The following ACTR3C variants were observed in gnomAD, a reference collection of about 807,000 sequenced individuals.
The protein encoded by ACTR3C is actin-related protein 3C.
In ACTR3C, 18 loss-of-function variants were observed where a neutral mutation model predicts 26.3. The ratio of observed to expected loss-of-function variants is 0.68; its 90% CI spans 0.47 to 1.01. ACTR3C has a LOEUF of 1.01. Among genes scored for constraint, ACTR3C ranks in the 50% least tolerant of loss-of-function variants. ACTR3C has a pLI of 0.00. For synonymous variants in ACTR3C, 55 were observed against 94.5 expected, an observed-to-expected ratio of 0.58 and a Z score of 2.42; for missense variants, 184 against 250.7, an observed-to-expected ratio of 0.73 and a Z score of 1.80.
the ACTR3C span, among the ~76,000 whole-genome samples, chr7:150,121,583 G>A: frequency 4.7e-5 from 7 of 148,660 alleles, no homozygotes; most frequent in Admixed American, 4.7e-4. Context: ...AAATAAGAGA[G>A]GACACAAACA....
the ACTR3C span, among the ~76,000 whole-genome samples, chr7:150,032,039 C>T: frequency 6.6e-6 from 1 of 152,274 alleles, no homozygotes; most frequent in African/African-American, 2.4e-5. Flanking sequence ...AGCCTTGCCC[C>T]TTCTTCCGGT....
At chr7:150,073,070 TC>T in the ACTR3C span, among the ~76,000 whole-genome samples, 2 of 152,176 alleles carry the variant, frequency 1.3e-5, no homozygotes, top group African/African-American at 4.8e-5. Flanking sequence ...TTGAAATTTT[TC>T]CCCTGAAGCG....
Position 150,289,454 on chromosome 7 carries a change from A to G in ACTR3C, c.293T>C (p.Ile98Thr). 6.3e-7 allele frequency: 1 copy of G among 1,578,208 alleles called. No individual in the cohort carries two copies. The highest frequency in any genetic ancestry group is 8.6e-7 in the Non-Finnish European group (1 of 1,165,188). ...PEQSLETAKA[I>T]KEKYCYICPD... is the part of the protein sequence containing the mutation. ...CGGTTTCCCATCTGTTTTTACCTTA[A>G]TGGCTTTTGCGGTCTCCAGTGACTG... is the stretch of plus-strand genomic sequence containing the variant. Residue 98 changes from isoleucine to threonine, a missense_variant, in exon 4 of 8, where the codon ATT becomes ACT. Transcript: ENST00000683684.
the ACTR3C span, among the ~76,000 whole-genome samples, chr7:150,112,365 T>G: frequency 6.6e-6 from 1 of 152,210 alleles, no homozygotes; most frequent in African/African-American, 2.4e-5. Context: ...GTCCATCTCT[T>G]TGCCCTTTGC....
chr7:150,235,407 C>T, the ACTR3C span, among the ~76,000 whole-genome samples: 1 of 152,184 alleles, frequency 6.6e-6, no homozygotes, highest in African/African-American at 2.4e-5. Flanking sequence ...TGGACACCTG[C>T]GAGTTCTGTC....
At chr7:150,137,850 T>C in the ACTR3C span, among the ~76,000 whole-genome samples, 2 of 152,220 alleles carry the variant, frequency 1.3e-5, no homozygotes, top group Non-Finnish European at 2.9e-5. Context: ...AAATTTCATG[T>C]TACATTCAAG....
the ACTR3C span, among the ~76,000 whole-genome samples, chr7:150,185,274 G>GGT: frequency 3.6e-3 from 453 of 124,250 alleles, no homozygotes; most frequent in African/African-American, 0.013. Context: ...TTAAATGTCA[G>GGT]GCGTGTGTGT....
chr7:150,308,978 T>C (rs1296355480), intron 1 of ACTR3C, among the ~76,000 whole-genome samples: 1 of 152,112 alleles, frequency 6.6e-6, no homozygotes, highest in Non-Finnish European at 1.5e-5. Flanking sequence ...CTGGAGTGAT[T>C]TAAATGTCAT....
chr7:150,172,504 T>C, the ACTR3C span, among the ~76,000 whole-genome samples: 3 of 150,598 alleles, frequency 2.0e-5, 1 homozygote, highest in African/African-American at 7.5e-5. Flanking sequence ...CATATGGAAA[T>C]TCTGAGAGAT....
At chr7:149,897,813 G>A in the ACTR3C span, among the ~76,000 whole-genome samples, 6 of 152,146 alleles carry the variant, frequency 3.9e-5, no homozygotes, top group African/African-American at 7.2e-5. Context: ...AGGTGGCAGG[G>A]GTTGCAGTGA....
the ACTR3C span, among the ~76,000 whole-genome samples, chr7:150,091,177 T>C: frequency 7.1e-6 from 1 of 141,234 alleles, no homozygotes; most frequent in Non-Finnish European, 1.5e-5. Flanking sequence ...GGAGCCAGGG[T>C]GAAGCATCAG....
the ACTR3C span, among the ~76,000 whole-genome samples, chr7:149,908,963 A>T: frequency 6.6e-6 from 1 of 151,834 alleles, no homozygotes; most frequent in Admixed American, 6.6e-5. Context: ...TGTATTTTTG[A>T]TAGAGACGGG....
the ACTR3C span, among the ~76,000 whole-genome samples, chr7:150,151,444 C>T: frequency 7.3e-6 from 1 of 136,752 alleles, no homozygotes; most frequent in African/African-American, 2.5e-5. Context: ...ATTTAGAATG[C>T]CAATTTGTGC....
chr7:150,004,098 G>A, the ACTR3C span, among the ~76,000 whole-genome samples: 1 of 146,006 alleles, frequency 6.8e-6, no homozygotes, highest in South Asian at 2.1e-4. Flanking sequence ...TGTGTGTCGT[G>A]TGTATGGTGT....
At chr7:150,292,531 C>T (rs1372423630) in intron 3 of ACTR3C, among the ~76,000 whole-genome samples, 9 of 127,152 alleles carry the variant, frequency 7.1e-5, no homozygotes, top group South Asian at 2.7e-4. Context: ...GACGGAGTTT[C>T]GCTCTTGTTG....
chr7:150,023,531 CAT>C, the ACTR3C span, among the ~76,000 whole-genome samples: 1 of 151,806 alleles, frequency 6.6e-6, no homozygotes, highest in Non-Finnish European at 1.5e-5. Context: ...GATGGGGTTT[CAT>C]ATTTATTTAA....
chr7:150,124,749 C>A, the ACTR3C span, among the ~76,000 whole-genome samples: 1 of 152,154 alleles, frequency 6.6e-6, no homozygotes, highest in East Asian at 1.9e-4. Flanking sequence ...CAGCCTAAGA[C>A]CTCACACACT....
the ACTR3C span, among the ~76,000 whole-genome samples, chr7:149,892,748 TGGA>T: frequency 4.5e-4 from 53 of 117,894 alleles, no homozygotes; most frequent in South Asian, 1.5e-3. Context: ...AAATACAATA[TGGA>T]AGGGGACAAA....
the ACTR3C span, among the ~76,000 whole-genome samples, chr7:149,943,771 TA>T: frequency 2.7e-5 from 4 of 148,744 alleles, no homozygotes; most frequent in African/African-American, 1.0e-4. Flanking sequence ...TGAGATCACT[TA>T]CTTTGTTTTC....
Sources: gnomAD v4.1 joint callset for allele counts (sites outside exome capture counted in the v4.1 genomes callset) on GRCh38, gnomAD v4.1.1 for gene constraint, MANE v1.5 for transcripts, NCBI Gene and HGNC (gene_info 2026-07-23, HGNC 2026-07-21) for gene names.